Variants in DBN1 observed in about 807,000 individuals in gnomAD.
The protein encoded by DBN1 is drebrin 1, also known as drebrin.
Under a neutral mutation model 83.5 loss-of-function variants are expected in DBN1, and 21 were observed. That is an observed-to-expected ratio of 0.25 (90% CI 0.18 to 0.36). The LOEUF (loss-of-function observed/expected upper bound fraction) is 0.36. DBN1 is among the 10% of genes least tolerant of loss of function. DBN1 has a pLI of 1.00. For synonymous variants in DBN1, 381 were observed against 384.9 expected (o/e 0.99, Z 0.12); for missense variants, 874 against 935.7 (o/e 0.93, Z 0.86).
At chr5:177,464,649 T>TAAA (rs1757293837) in intron 8 of DBN1, among the ~76,000 whole-genome samples, 1 of 136,012 alleles carries the variant, frequency 7.4e-6, no homozygotes, top group African/African-American at 2.7e-5. Flanking sequence ...AAATAAATAA[T>TAAA]AAACTTTATC....
chr5:177,459,990 A>C (rs1756893775), intron 10 of DBN1, among the ~76,000 whole-genome samples: 1 of 152,204 alleles, frequency 6.6e-6, no homozygotes, highest in Non-Finnish European at 1.5e-5. Flanking sequence ...TCAGACCAGC[A>C]GACAGGGCAG....
Position 177,466,918 on chromosome 5 carries a change from C to G in DBN1, c.700G>C (p.Glu234Gln), listed in dbSNP as rs1365360101. Residue 234 changes from glutamate (E) to glutamine (Q), a missense_variant, in exon 7 of 15, where the codon GAG (glutamate) becomes CAG (glutamine). Transcript: ENST00000393565. This position sits in a 1 kb window ranked among gnomAD's most constrained non-coding sequence, Gnocchi z 4.8. ...RYREREQQIE[E>Q]HRRKQQTLEA... The stretch of plus-strand genomic sequence containing the variant: ...CCGGGCGGGCAGGCTCACCTGTGCT[C>G]CTCGATCTGCTGCTCCCGCTCCCGG... 1 of 1,612,886 alleles carries G rather than the reference C, an allele frequency of 6.2e-7. No homozygotes were observed. Among genetic ancestry groups the G allele is most frequent in the African/African-American group, 1.3e-5 (1 of 75,020 alleles).
chr5:177,472,436 G>A (rs1226739223), intron 1 of DBN1: 2 of 1,369,134 alleles, frequency 1.5e-6, no homozygotes, highest in Non-Finnish European at 1.9e-6. Context: ...AAGGATTCCA[G>A]GATGGGGCTG....
chr5:177,467,430 C>T lies in DBN1; in HGVS notation c.477+51G>A, dbSNP rs544036574. The T allele has an allele frequency of 1.1e-5, 17 of 1,611,172 alleles. No homozygotes were observed. The highest frequency in any genetic ancestry group is 1.7e-4 in the Middle Eastern group (1 of 6,056). On this transcript the variant is annotated intron_variant, in intron 5 of 14. Coordinates refer to ENST00000393565, the MANE Select transcript of DBN1 (RefSeq NM_001363541.2). This position sits in a 1 kb window ranked among gnomAD's most constrained non-coding sequence, Gnocchi z 9.1. ...TAAGAGGGACCGGGCAGGCCAGACT[C>T]GGGCACCAGGCCACGCAGGCAGAGC...
Position 177,459,651 on chromosome 5 carries a change from G to C in DBN1, c.1045C>G (p.Pro349Ala). The C allele has an allele frequency of 1.9e-6, 3 of 1,586,612 alleles. No homozygotes were observed. The highest frequency in any genetic ancestry group is 2.6e-6 in the Non-Finnish European group (3 of 1,166,894). The change falls in exon 11 of 15, where the codon CCC becomes GCC. Residue 349 changes from proline (P) to alanine (A), a missense_variant. Physicochemically the swap from Pro to Ala is conservative, Grantham distance 27. This residue lies in a region of DBN1 where 725 missense variants were observed against 719.7 expected (regional missense o/e 1.01). Coordinates refer to ENST00000393565, the MANE Select transcript of DBN1 (RefSeq NM_001363541.2). ...GGGGTGCGGTGGCAGGTGATATAGG[G>C]AAAGGGAGTCCGTGGAGGGGAGGAG... ...SSSSPPRTPF[P>A]YITCHRTPNL...
At chr5:177,459,410 T>G in intron 11 of DBN1, 142 bp from the exon 12 acceptor site, 1 of 1,425,600 alleles carries the variant, frequency 7.0e-7, no homozygotes, top group Non-Finnish European at 9.3e-7. Context: ...GGGGCCAGAC[T>G]ACAGCTCCAG....
At chr5:177,468,714 C>A in intron 2 of DBN1, 130 bp downstream of exon 2, 1 of 545,212 alleles carries the variant, frequency 1.8e-6, no homozygotes, top group Non-Finnish European at 3.1e-6. Flanking sequence ...GAAGGACACC[C>A]GCCAGATCCA....
chr5:177,464,453 T>A (rs11743058), intron 8 of DBN1, among the ~76,000 whole-genome samples: 1 of 144,974 alleles, frequency 6.9e-6, no homozygotes, highest in African/African-American at 2.5e-5. Flanking sequence ...CTCAAAAAAA[T>A]AAAAATAAAT....
chr5:177,459,664 T>A lies in DBN1; in HGVS notation c.1032A>T (p.Pro344=). Residue 344 remains proline, a synonymous_variant, in exon 11 of 15, where the codon CCA becomes CCT. Transcript: ENST00000393565. The stretch of plus-strand genomic sequence containing the variant: ...AGGTGATATAGGGAAAGGGAGTCCG[T>A]GGAGGGGAGGAGGAGGAAGAGGAGG... ...SSSSSSSSSP[P]RTPFPYITCH... 6.3e-7 allele frequency: 1 copy of A among 1,588,504 alleles called. No individual in the cohort carries two copies. The highest frequency in any genetic ancestry group is 2.3e-5 in the East Asian group (1 of 43,866).
Position 177,467,130 on chromosome 5 carries a change from C to A in DBN1, c.556-68G>T. On this transcript the variant is annotated intron_variant, in intron 6 of 14. Coordinates refer to ENST00000393565, the MANE Select transcript of DBN1 (RefSeq NM_001363541.2). The surrounding 1 kb of genome is among the most constrained non-coding windows in gnomAD (Gnocchi z 9.1). ...CGCCTGGACCCTGCCCCTCCAGCCC[C>A]TCCCTAACCCAGCGCTGGGGGCGGG... 1.9e-6 allele frequency: 3 copies of A among 1,609,930 alleles called. No individual in the cohort carries two copies. Among genetic ancestry groups the A allele is most frequent in the Non-Finnish European group, 2.5e-6 (3 of 1,177,784 alleles).
chr5:177,458,668 G>T lies in DBN1; in HGVS notation c.1304C>A (p.Thr435Asn). The T allele has an allele frequency of 6.4e-7, 1 of 1,570,436 alleles. No individual in the cohort carries two copies. The change falls in exon 13 of 15, where the codon ACC (threonine) becomes AAC (asparagine). Residue 435 changes from threonine to asparagine, a missense_variant. Coordinates refer to ENST00000393565, the MANE Select transcript of DBN1 (RefSeq NM_001363541.2). ...CCAGGCCTGAGGGGCTGCTGCTCTG[G>T]TCTCCTCACTGTCTAGGATGGGGCT... The part of the protein sequence containing the change: ...EPSPILDSEE[T>N]RAAAPQAWAG...
chr5:177,459,299 G>C (rs1303734360), intron 11 of DBN1, 31 bp from the exon 12 acceptor site: 21 of 1,593,482 alleles, frequency 1.3e-5, no homozygotes, highest in Non-Finnish European at 1.7e-5. Flanking sequence ...GGGTCAGTGA[G>C]GGCGGGGGAG....
At chr5:177,463,368 T>C (rs1757184817) in intron 8 of DBN1, among the ~76,000 whole-genome samples, 1 of 152,114 alleles carries the variant, frequency 6.6e-6, no homozygotes, top group South Asian at 2.1e-4. Flanking sequence ...CTACCAACCA[T>C]GTGAACACTG....
At position 177,458,395 on chromosome 5, in the gene DBN1, G is replaced by T; in HGVS notation, c.1577C>A (p.Pro526His). 1 of 1,614,144 alleles carries T rather than the reference G, an allele frequency of 6.2e-7. No individual in the cohort carries two copies. Among genetic ancestry groups the T allele is most frequent in the Non-Finnish European group, 8.5e-7 (1 of 1,179,992 alleles). Residue 526 changes from proline (P) to histidine (H), a missense_variant, in exon 13 of 15, where the codon CCT (proline) becomes CAT (histidine). By Grantham distance (77) the Pro-to-His change is moderately conservative (BLOSUM62 -2). This residue lies in a region of DBN1 where 725 missense variants were observed against 719.7 expected (regional missense o/e 1.01). Transcript: ENST00000393565. ...PAATSLIDLWPGNGEGASTLQ... is the reference protein window; with the variant it reads ...PAATSLIDLWHGNGEGASTLQ... ...TGTGGAGGCCCCTTCCCCGTTGCCAGGCCATAGGTCAATGAGGCTGGTGGC... is the reference window on the plus strand; with the variant it reads ...TGTGGAGGCCCCTTCCCCGTTGCCATGCCATAGGTCAATGAGGCTGGTGGC...
At position 177,466,972 on chromosome 5, in the gene DBN1, GCCGCTCCTGCTCCAT is replaced by G; in HGVS notation, c.631_645del (p.Met211_Arg215del). 1 of 1,613,024 alleles carries G rather than the reference GCCGCTCCTGCTCCAT, an allele frequency of 6.2e-7. No individual in the cohort carries two copies. The highest frequency in any genetic ancestry group is 8.5e-7 in the Non-Finnish European group (1 of 1,179,838). On this transcript the variant is annotated inframe_deletion, in exon 7 of 15. Coordinates refer to ENST00000393565, the MANE Select transcript of DBN1 (RefSeq NM_001363541.2). The surrounding 1 kb of genome is among the most constrained non-coding windows in gnomAD (Gnocchi z 4.8). ...CGCCGCTCGCGCTCCTCTTGCTCCT[GCCGCTCCTGCTCCAT>G]CCGCTCCTGCTCGAACCTGAGCCTC...
At chr5:177,457,534 G>A (rs1310613983) in intron 14 of DBN1, 31 bp from the exon 15 acceptor site, 2 of 1,601,794 alleles carry the variant, frequency 1.2e-6, no homozygotes, top group Non-Finnish European at 1.7e-6. Flanking sequence ...AGGAGTTAGG[G>A]ACCTAGCAGA....
intron 8 of DBN1, among the ~76,000 whole-genome samples, chr5:177,464,900 A>G (rs1449223144): frequency 1.3e-5 from 2 of 152,082 alleles, no homozygotes; most frequent in Non-Finnish European, 2.9e-5. Flanking sequence ...CACGCCTGTA[A>G]TCCCAGCACT....
chr5:177,464,456 AAAT>A lies in DBN1; in HGVS notation c.771+2313_771+2315del, dbSNP rs1463804969. ...GCAAGACTCTGTCTCAAAAAAATAA[AAAT>A]AAATAAATAAATAAACTTGGCTGGG... is the stretch of plus-strand genomic sequence containing the variant. On this transcript the variant is annotated intron_variant, in intron 8 of 14. Transcript: ENST00000393565. Among the ~76,000 whole-genome samples the A allele has an allele frequency of 6.9e-4, 105 of 151,226 alleles. 1 individual carries two copies. The highest frequency in any genetic ancestry group is 1.3e-3 in the Non-Finnish European group (90 of 67,858).
In DBN1 at chr5:177,466,877, G is replaced by T; in HGVS notation, c.707+34C>A. The T allele has an allele frequency of 6.2e-7, 1 of 1,613,696 alleles. No homozygotes were observed. Among genetic ancestry groups the T allele is most frequent in the Non-Finnish European group, 8.5e-7 (1 of 1,179,840 alleles). ...CCAGCACCCGTCAGGGTGCGCCCGG[G>T]GGCCCCTGGAGCGCTCCGGGCGGGC... On this transcript the variant is annotated intron_variant, in intron 7 of 14. Coordinates refer to ENST00000393565, the MANE Select transcript of DBN1 (RefSeq NM_001363541.2). This position sits in a 1 kb window ranked among gnomAD's most constrained non-coding sequence, Gnocchi z 4.8.
Sources: gnomAD v4.1 joint callset for allele counts (sites outside exome capture counted in the v4.1 genomes callset) on GRCh38, gnomAD v4.1.1 for gene constraint, gnomAD v4.1.1 regional missense constraint, Gnocchi (gnomAD v3.1) non-coding constraint, MANE v1.5 for transcripts, NCBI Gene and HGNC (gene_info 2026-07-23, HGNC 2026-07-21) for gene names.